APPL2: variants seen among roughly 807,000 people sequenced by gnomAD.
APPL2 encodes DCC-interacting protein 13-beta.
Under a neutral mutation model 92.7 loss-of-function variants are expected in APPL2, and 84 were observed. The ratio of observed to expected loss-of-function variants is 0.91; its 90% CI spans 0.76 to 1.09. The LOEUF (loss-of-function observed/expected upper bound fraction) is 1.09, where lower values mean the gene tolerates loss of function less well. Among genes scored for constraint, APPL2 ranks in the 50% least tolerant of loss-of-function variants. The pLI is 0.00. For missense variants in APPL2, 736 were observed against 824.5 expected (o/e 0.89, Z 1.31); for synonymous variants, 291 against 291.0 (o/e 1.00, Z 0.00).
intron 2 of APPL2, among the ~76,000 whole-genome samples, chr12:105,225,153 TA>T (rs36095091): frequency 9.6e-4 from 138 of 143,448 alleles, no homozygotes; most frequent in Admixed American, 6.9e-4. Context: ...CAAATTTACT[TA>T]AAAAAAAAAA....
chr12:105,226,259 A>C (rs539101160), intron 2 of APPL2, among the ~76,000 whole-genome samples: 23 of 152,348 alleles, frequency 1.5e-4, no homozygotes, highest in Middle Eastern at 3.4e-3. Context: ...AAACCTGAAA[A>C]ACCAAGTGTC....
At chr12:105,223,573 G>A (rs980108609) in intron 2 of APPL2, among the ~76,000 whole-genome samples, 2 of 152,214 alleles carry the variant, frequency 1.3e-5, no homozygotes, top group African/African-American at 2.4e-5. Flanking sequence ...GAGAGGCTGT[G>A]AGCCAGGCAC....
Position 105,195,362 on chromosome 12 carries a change from AG to A in APPL2, c.1153-14del. ...TGATCGCGACTGCCTAAAAATCCACAGGAAGACACACTCAGTCCCAGGAGGT... is the reference window on the plus strand; with the variant it reads ...TGATCGCGACTGCCTAAAAATCCACAGAAGACACACTCAGTCCCAGGAGGT... On this transcript the variant is annotated splice_polypyrimidine_tract_variant and intron_variant, in intron 13 of 20. Transcript: ENST00000258530. 2.5e-6 allele frequency: 4 copies of A among 1,614,200 alleles called. No homozygotes were observed. The highest frequency in any genetic ancestry group is 3.4e-6 in the Non-Finnish European group (4 of 1,180,018).
Position 105,211,327 on chromosome 12 carries a change from A to G in APPL2, c.286-10T>C. On this transcript the variant is annotated splice_polypyrimidine_tract_variant and intron_variant, in intron 4 of 20. Coordinates refer to ENST00000258530, the MANE Select transcript of APPL2 (RefSeq NM_018171.5). Reference sequence around the variant, plus strand: ...TATGGAGAAGATTAAGCTGAAAGAAAGAGAATGGTATTCAAGTAAATTAAA... The same window carrying G: ...TATGGAGAAGATTAAGCTGAAAGAAGGAGAATGGTATTCAAGTAAATTAAA... The G allele has an allele frequency of 6.3e-7, 1 of 1,579,572 alleles. No homozygotes were observed. Among genetic ancestry groups the G allele is most frequent in the Non-Finnish European group, 8.7e-7 (1 of 1,149,234 alleles).
At position 105,215,000 on chromosome 12, in the gene APPL2, C is replaced by T. The variant is rs957538159; in HGVS notation, c.285+2069G>A. On this transcript the variant is annotated intron_variant, in intron 4 of 20. Transcript: ENST00000258530. ...CAGAGAGGGCACGGAAGTTCCACGCCGCCTCCCCTGTACCTTGCCCTATGT... is the reference window on the plus strand; with the variant it reads ...CAGAGAGGGCACGGAAGTTCCACGCTGCCTCCCCTGTACCTTGCCCTATGT... 1.2e-4 allele frequency among the ~76,000 whole-genome samples: 19 copies of T among 152,310 alleles called. 1 individual carries two copies. Among genetic ancestry groups the T allele is most frequent in the African/African-American group, 3.9e-4 (16 of 41,554 alleles).
rs758652269 is a variant in APPL2 at position 105,199,514 on chromosome 12, T to G, written c.722A>C (p.Glu241Ala). 4 of 1,613,754 alleles carry G rather than the reference T, an allele frequency of 2.5e-6. No individual in the cohort carries two copies. The East Asian group carries it at 8.9e-5, about 36-fold the overall frequency. ...DMVQSIQVEL[E>A]AEAEKMRVSQ... Reference sequence around the variant, plus strand: ...CACCCGCATCTTTTCCGCCTCGGCTTCCAGTTCTACCTGAATGCTTAAGAC... The same window carrying G: ...CACCCGCATCTTTTCCGCCTCGGCTGCCAGTTCTACCTGAATGCTTAAGAC... Residue 241 changes from glutamate to alanine, a missense_variant, in exon 10 of 21, where the codon GAA becomes GCA. Coordinates refer to ENST00000258530, the MANE Select transcript of APPL2 (RefSeq NM_018171.5).
chr12:105,186,699 C>CATACCATAT (rs1886738816), intron 17 of APPL2, among the ~76,000 whole-genome samples: 2 of 134,570 alleles, frequency 1.5e-5, no homozygotes, highest in Non-Finnish European at 3.1e-5. Context: ...TATCATATAT[C>CATACCATAT]ATATCATATA....
chr12:105,232,788 A>T (rs534155524), intron 1 of APPL2, among the ~76,000 whole-genome samples: 98 of 138,028 alleles, frequency 7.1e-4, no homozygotes, highest in Non-Finnish European at 1.3e-3. Context: ...AAAAAAAAAG[A>T]ACCAAGTCTA....
At chr12:105,221,770 C>T (rs1173462018) in intron 2 of APPL2, among the ~76,000 whole-genome samples, 1 of 152,244 alleles carries the variant, frequency 6.6e-6, no homozygotes, top group Non-Finnish European at 1.5e-5. Flanking sequence ...GACAGCATCT[C>T]CCATGCTCAA....
At chr12:105,222,608 G>C (rs1310147668) in intron 2 of APPL2, among the ~76,000 whole-genome samples, 1 of 152,174 alleles carries the variant, frequency 6.6e-6, no homozygotes, top group Non-Finnish European at 1.5e-5. Context: ...TTTAGGTGGA[G>C]CTGTCCCAAA....
chr12:105,183,235 TG>T (rs569614966), intron 17 of APPL2, among the ~76,000 whole-genome samples: 85 of 152,280 alleles, frequency 5.6e-4, no homozygotes, highest in African/African-American at 1.9e-3. Flanking sequence ...GTCTTTTAAT[TG>T]GGGCATTTAG....
chr12:105,191,539 ACAAT>A (rs1355038899), intron 14 of APPL2, among the ~76,000 whole-genome samples: 2 of 152,184 alleles, frequency 1.3e-5, no homozygotes, highest in South Asian at 2.1e-4. Flanking sequence ...GAGATAGATA[ACAAT>A]CAAGATAGGG....
intron 11 of APPL2, among the ~76,000 whole-genome samples, chr12:105,196,049 T>C (rs1887612066): frequency 7.2e-6 from 1 of 139,402 alleles, no homozygotes; most frequent in Non-Finnish European, 1.5e-5. Context: ...GGCAAGGCCC[T>C]ATCTCAAACA....
chr12:105,195,371 C>G, intron 13 of APPL2, 22 bp from the exon 14 acceptor site: 1 of 1,614,178 alleles, frequency 6.2e-7, no homozygotes, highest in East Asian at 2.2e-5. Flanking sequence ...CAGGAAGACA[C>G]ACTCAGTCCC....
intron 9 of APPL2, among the ~76,000 whole-genome samples, chr12:105,202,273 A>C (rs952121428): frequency 6.6e-6 from 1 of 152,156 alleles, no homozygotes; most frequent in Non-Finnish European, 1.5e-5. Flanking sequence ...GCAGACCCTG[A>C]CGTTAATGCC....
Position 105,203,525 on chromosome 12 carries a change from C to T in APPL2, c.704+178G>A. 6 of 623,270 alleles carry T rather than the reference C, an allele frequency of 9.6e-6. No homozygotes were observed. The South Asian group carries it at 1.3e-4, about 13-fold the overall frequency. 38.6% of individuals were successfully genotyped at this position (623,270 alleles called of 1,614,324 possible). A position where few individuals can be genotyped will look rare whatever the true frequency, so the allele number is the denominator to read the frequency against. Reference sequence around the variant, plus strand: ...TCTGGAGAAAACTCTGCCAATGTGCCCCAGATATTTATGAATATTGGCAGC... The same window carrying T: ...TCTGGAGAAAACTCTGCCAATGTGCTCCAGATATTTATGAATATTGGCAGC... On this transcript the variant is annotated intron_variant, in intron 9 of 20. Coordinates refer to ENST00000258530, the MANE Select transcript of APPL2 (RefSeq NM_018171.5).
chr12:105,174,917 T>A (rs896352868), intron 20 of APPL2, among the ~76,000 whole-genome samples: 24 of 147,676 alleles, frequency 1.6e-4, no homozygotes, highest in Non-Finnish European at 5.9e-5. Context: ...AGAGTCTCGC[T>A]CTATCGCCCA....
At chr12:105,228,858 C>T (rs1162241984) in intron 2 of APPL2, among the ~76,000 whole-genome samples, 2 of 151,964 alleles carry the variant, frequency 1.3e-5, no homozygotes, top group Admixed American at 6.5e-5. Flanking sequence ...AAATGTTTCC[C>T]ACTGGGTTGA....
intron 17 of APPL2, 48 bp downstream of exon 17, chr12:105,188,225 G>A (rs746595601): frequency 6.3e-7 from 1 of 1,593,964 alleles, no homozygotes; most frequent in Non-Finnish European, 8.6e-7. Context: ...CCTTAAAAGG[G>A]GAATTAGCTG....
Sources: gnomAD v4.1 joint callset for allele counts (sites outside exome capture counted in the v4.1 genomes callset) on GRCh38, gnomAD v4.1.1 for gene constraint, MANE v1.5 for transcripts, NCBI Gene and HGNC (gene_info 2026-07-23, HGNC 2026-07-21) for gene names.